The following SYCP2L variants were observed in gnomAD, a reference collection of about 807,000 sequenced individuals.
SYCP2L encodes the protein synaptonemal complex protein 2-like.
A neutral mutation model predicts 125.8 loss-of-function variants in SYCP2L; 98 were observed. The observed-to-expected ratio is 0.78, with a 90% CI of 0.66 to 0.92. SYCP2L has a LOEUF of 0.92. SYCP2L is among the 40% of genes least tolerant of loss of function. SYCP2L has a pLI of 0.00. For missense variants in SYCP2L, 842 were observed against 936.4 expected (o/e 0.90, Z 1.32); for synonymous variants, 317 against 325.4 (o/e 0.97, Z 0.28).
intron 24 of SYCP2L, among the ~76,000 whole-genome samples, chr6:10,955,695 G>C (rs1402909008): frequency 6.6e-6 from 1 of 152,158 alleles, no homozygotes; most frequent in Non-Finnish European, 1.5e-5. Context: ...GGAGCTGCTG[G>C]TATGAGCATG....
rs1780522196 is a variant in SYCP2L, at chr6:10,907,702, G to A, written c.819+18G>A. 1.2e-6 allele frequency: 2 copies of A among 1,609,732 alleles called. No homozygotes were observed. The highest frequency in any genetic ancestry group is 4.5e-5 in the East Asian group (2 of 44,822). On this transcript the variant is annotated intron_variant, in intron 10 of 29. Coordinates refer to ENST00000283141, the MANE Select transcript of SYCP2L (RefSeq NM_001040274.3). ...TTGAGACGGTGAGATTCCTGGCCAT[G>A]CGAATTTCTTATTAGCCAATATTTA...
Position 10,935,146 on chromosome 6 carries a change from G to C in SYCP2L, c.1772G>C (p.Ser591Thr), listed in dbSNP as rs767448585. 6.2e-7 allele frequency: 1 copy of C among 1,613,132 alleles called. No individual in the cohort carries two copies. Among genetic ancestry groups the C allele is most frequent in the Non-Finnish European group, 8.5e-7 (1 of 1,179,660 alleles). ...ACTTCTGAACAAAAATTCCAAGATA[G>C]TTTTGCTTTTTTGACTGCTGAAGAT... Reference protein sequence around the residue: ...PKTSEQKFQDSFAFLTAEDSA... With the variant: ...PKTSEQKFQDTFAFLTAEDSA... Residue 591 changes from serine to threonine, a missense_variant, in exon 21 of 30, where the codon AGT becomes ACT. Coordinates refer to ENST00000283141, the MANE Select transcript of SYCP2L (RefSeq NM_001040274.3).
intron 6 of SYCP2L, among the ~76,000 whole-genome samples, chr6:10,900,197 G>A (rs1354534464): frequency 1.3e-5 from 2 of 152,198 alleles, no homozygotes; most frequent in Non-Finnish European, 2.9e-5. Flanking sequence ...TGGAGGCTGG[G>A]ATTAAGAGAT....
chr6:10,923,983 C>G (rs1382872005), intron 14 of SYCP2L, among the ~76,000 whole-genome samples: 1 of 152,244 alleles, frequency 6.6e-6, no homozygotes, highest in Non-Finnish European at 1.5e-5. Flanking sequence ...CACGCCTGGC[C>G]TACAGAATTT....
intron 4 of SYCP2L, 42 bp from the exon 5 acceptor site, chr6:10,897,969 G>A: frequency 8.1e-7 from 1 of 1,231,578 alleles, no homozygotes; most frequent in Non-Finnish European, 1.2e-6. Flanking sequence ...TGAATAGGCA[G>A]CATTTAGTCT....
chr6:10,970,980 G>A (rs1173597604), intron 29 of SYCP2L, among the ~76,000 whole-genome samples: 2 of 152,108 alleles, frequency 1.3e-5, no homozygotes, highest in African/African-American at 4.8e-5. Flanking sequence ...GATCAAGTGT[G>A]GAGATAACTG....
chr6:10,954,756 C>G lies in SYCP2L; in HGVS notation c.1955-360C>G, dbSNP rs1781470754. Among the ~76,000 whole-genome samples, 1 of 152,146 alleles carries G rather than the reference C, an allele frequency of 6.6e-6. No homozygotes were observed. The highest frequency in any genetic ancestry group is 1.5e-5 in the Non-Finnish European group (1 of 68,022). On this transcript the variant is annotated intron_variant, in intron 23 of 29. Coordinates refer to ENST00000283141, the MANE Select transcript of SYCP2L (RefSeq NM_001040274.3). The surrounding 1 kb of genome is among the most constrained non-coding windows in gnomAD (Gnocchi z 4.8). The stretch of plus-strand genomic sequence containing the variant: ...TGTGAGCTGAAGCACTTCCAAAGGC[C>G]CATCTGCCTGGAAACCTTGCTGTCT...
chr6:10,958,142 G>T (rs1440188700), intron 25 of SYCP2L, among the ~76,000 whole-genome samples: 1 of 149,784 alleles, frequency 6.7e-6, no homozygotes, highest in Non-Finnish European at 1.5e-5. Flanking sequence ...AGTATTCATT[G>T]TGTGTATTGG....
rs570469881 is a variant in SYCP2L, at chr6:10,956,763, C to T, written c.2163+521C>T. On this transcript the variant is annotated intron_variant, in intron 25 of 29. Transcript: ENST00000283141. Reference sequence around the variant, plus strand: ...CAGGTGTAAGCCACCAAGCTTGGCCCGTGGTAATCATTTCACAGTTTATAT... The same window carrying T: ...CAGGTGTAAGCCACCAAGCTTGGCCTGTGGTAATCATTTCACAGTTTATAT... Among the ~76,000 whole-genome samples, 12 of 150,560 alleles carry T rather than the reference C, an allele frequency of 8.0e-5. No individual in the cohort carries two copies. In the South Asian group the frequency reaches 1.3e-3, roughly 16 times the overall value.
At chr6:10,931,408 A>G in intron 19 of SYCP2L, 32 bp from the exon 20 acceptor site, 1 of 1,612,138 alleles carries the variant, frequency 6.2e-7, no homozygotes. Flanking sequence ...GAGTTAATGT[A>G]TATGTTGTGC....
In SYCP2L at chr6:10,934,753, C is replaced by T. The variant is rs141554104; in HGVS notation, c.1684-305C>T. ...AACTGTGAAAACCAGAGTCTGGGAT[C>T]AGGTGCCAGCCTTTCTCTTTTTACC... On this transcript the variant is annotated intron_variant, in intron 20 of 29. Coordinates refer to ENST00000283141, the MANE Select transcript of SYCP2L (RefSeq NM_001040274.3). Among the ~76,000 whole-genome samples the T allele has an allele frequency of 3.0e-4, 45 of 152,294 alleles. No individual in the cohort carries two copies. In the East Asian group the frequency reaches 8.7e-3, roughly 29 times the overall value.
intron 14 of SYCP2L, among the ~76,000 whole-genome samples, chr6:10,916,667 C>T (rs1203099011): frequency 2.6e-5 from 4 of 152,134 alleles, no homozygotes; most frequent in Admixed American, 1.3e-4. Context: ...TTTTATTCCA[C>T]TATGGTCTGA....
intron 4 of SYCP2L, among the ~76,000 whole-genome samples, chr6:10,894,636 C>T (rs747177797): frequency 1.3e-5 from 2 of 152,112 alleles, no homozygotes; most frequent in Non-Finnish European, 2.9e-5. Context: ...TTGGATGAAT[C>T]TGAAAAAACA....
chr6:10,907,931 C>T (rs1780530388), intron 10 of SYCP2L, among the ~76,000 whole-genome samples: 1 of 101,020 alleles, frequency 9.9e-6, no homozygotes, highest in South Asian at 2.9e-4. Flanking sequence ...CACTCTTGCC[C>T]AGGCTGGAGT....
intron 10 of SYCP2L, among the ~76,000 whole-genome samples, chr6:10,907,894 T>G (rs1025598498): frequency 1.6e-5 from 2 of 123,258 alleles, no homozygotes; most frequent in African/African-American, 7.2e-5. Flanking sequence ...ACAGATAGGT[T>G]TTTTTTTTTT....
intron 24 of SYCP2L, among the ~76,000 whole-genome samples, 196 bp from the exon 25 acceptor site, chr6:10,955,940 C>T (rs899519614): frequency 3.3e-5 from 5 of 152,080 alleles, no homozygotes; most frequent in African/African-American, 9.7e-5. Context: ...TCAGTTGCCC[C>T]GATTTAAAGT....
At chr6:10,939,082 T>C (rs1298007375) in intron 21 of SYCP2L, among the ~76,000 whole-genome samples, 1 of 151,696 alleles carries the variant, frequency 6.6e-6, no homozygotes, top group Non-Finnish European at 1.5e-5. Context: ...ATCACGCCAC[T>C]GCATTTCAGC....
chr6:10,934,096 A>G (rs1448422756), intron 20 of SYCP2L, among the ~76,000 whole-genome samples: 2 of 152,212 alleles, frequency 1.3e-5, no homozygotes, highest in Admixed American at 6.5e-5. Context: ...AGACAGGCAC[A>G]TTCCCTCTGT....
chr6:10,902,537 G>C, intron 6 of SYCP2L, 140 bp from the exon 7 acceptor site: 2 of 667,084 alleles, frequency 3.0e-6, no homozygotes, highest in Non-Finnish European at 5.1e-6. Context: ...CAACAGGATT[G>C]TAAGAGGCAC....
Sources: gnomAD v4.1 joint callset for allele counts (sites outside exome capture counted in the v4.1 genomes callset) on GRCh38, gnomAD v4.1.1 for gene constraint, Gnocchi (gnomAD v3.1) non-coding constraint, MANE v1.5 for transcripts, NCBI Gene and HGNC (gene_info 2026-07-23, HGNC 2026-07-21) for gene names.